TP53I11: variants seen among roughly 807,000 people sequenced by gnomAD.
TP53I11 encodes tumor protein p53-inducible protein 11.
A neutral mutation model predicts 23.3 loss-of-function variants in TP53I11; 9 were observed. The ratio of observed to expected loss-of-function variants is 0.39; its 90% CI spans 0.23 to 0.67. TP53I11 has a LOEUF of 0.67. Ranked by LOEUF, TP53I11 falls within the 30% of genes least tolerant of loss-of-function variation. The pLI, the probability that TP53I11 is intolerant of heterozygous loss-of-function variation, is 0.48. For missense variants in TP53I11, 170 were observed against 255.2 expected, an observed-to-expected ratio of 0.67 and a Z score of 2.27; for synonymous variants, 100 against 106.1, an observed-to-expected ratio of 0.94 and a Z score of 0.35.
chr11:44,944,318 G>C (rs536122260), intron 1 of TP53I11, among the ~76,000 whole-genome samples: 1 of 152,326 alleles, frequency 6.6e-6, no homozygotes, highest in South Asian at 2.1e-4. Flanking sequence ...CTTGTTCTCT[G>C]AGCCTGGGAC....
rs367915158 is a variant in TP53I11, at chr11:44,935,560, C to T, written c.436+1G>A. 1 of 1,614,024 alleles carries T rather than the reference C, an allele frequency of 6.2e-7. No homozygotes were observed. Among genetic ancestry groups the T allele is most frequent in the Middle Eastern group, 1.7e-4 (1 of 6,058 alleles). On this transcript the variant is annotated splice_donor_variant, in intron 6 of 6. Coordinates refer to ENST00000525680, the MANE Select transcript of TP53I11 (RefSeq NM_006034.5). LOFTEE classifies it high-confidence loss of function. ...CCCTCACTGCCCACCTCAGGACTCA[C>T]CCAAGAACTGGACCCCGAAATAGCA...
intron 1 of TP53I11, chr11:44,939,058 C>T (rs1453575707): frequency 6.6e-6 from 1 of 152,228 alleles, no homozygotes; most frequent in Non-Finnish European, 1.5e-5. Context: ...TGATCCTCCC[C>T]AGCCCCCCAC....
chr11:44,939,289 A>G (rs1328489195), intron 1 of TP53I11: 2 of 152,224 alleles, frequency 1.3e-5, no homozygotes, highest in African/African-American at 2.4e-5. Flanking sequence ...GCCCTGCAAG[A>G]TGGGCGCTAT....
At position 44,934,914 on chromosome 11, in the gene TP53I11, G is replaced by A. The variant is rs1463804412; in HGVS notation, c.540C>T (p.Tyr180=). 13 of 1,614,166 alleles carry A rather than the reference G, an allele frequency of 8.1e-6. No homozygotes were observed. Among genetic ancestry groups the A allele is most frequent in the Non-Finnish European group, 1.1e-5 (13 of 1,180,008 alleles). Residue 180 remains tyrosine (Y), a synonymous_variant, in exon 7 of 7, where the codon TAC becomes TAT. Transcript: ENST00000525680. The part of the protein sequence containing the change: ...LFVVISIYYY[Y]QVGRRPKKA Reference sequence around the variant, plus strand: ...CCTTCTTGGGTCTTCGGCCGACTTGGTAATAGTAGTAAATGCTGATGACGA... The same window carrying A: ...CCTTCTTGGGTCTTCGGCCGACTTGATAATAGTAGTAAATGCTGATGACGA...
intron 1 of TP53I11, among the ~76,000 whole-genome samples, chr11:44,942,422 CACACCAT>C (rs1250006541): frequency 8.2e-6 from 1 of 121,568 alleles, no homozygotes; most frequent in Non-Finnish European, 1.7e-5. Context: ...ACCACACACA[CACACCAT>C]ACACACACAC....
Position 44,936,941 on chromosome 11 carries a change from G to C in TP53I11, c.238-42C>G, listed in dbSNP as rs760533775. ...GGGCTCAGAGGTCCCGCTTGGGAGAGGGTGGGGGGTGACAGCTGATGCTTC... is the reference window on the plus strand; with the variant it reads ...GGGCTCAGAGGTCCCGCTTGGGAGACGGTGGGGGGTGACAGCTGATGCTTC... On this transcript the variant is annotated intron_variant, in intron 4 of 6. Coordinates refer to ENST00000525680, the MANE Select transcript of TP53I11 (RefSeq NM_006034.5). This position sits in a 1 kb window ranked among gnomAD's most constrained non-coding sequence, Gnocchi z 4.4. The C allele has an allele frequency of 5.0e-6, 7 of 1,412,814 alleles. No homozygotes were observed. Among genetic ancestry groups the C allele is most frequent in the South Asian group, 2.5e-5 (2 of 78,576 alleles). 87.5% of individuals were successfully genotyped at this position (1,412,814 alleles called of 1,614,324 possible).
intron 1 of TP53I11, among the ~76,000 whole-genome samples, chr11:44,949,150 T>A (rs1486458059): frequency 6.6e-6 from 1 of 152,186 alleles, no homozygotes; most frequent in Non-Finnish European, 1.5e-5. Flanking sequence ...AGAATAGTCT[T>A]ATTTCCTAAC....
In TP53I11 at chr11:44,933,338, AGAGCGGGC is replaced by A; in HGVS notation, c.*1538_*1545del. On this transcript the variant is annotated 3_prime_UTR_variant, in exon 7 of 7. Transcript: ENST00000525680. ...GGCAGGGGCCCACCTGGCAGCAGCC[AGAGCGGGC>A]TGTACCTATAGACACCCTCCAGCCA... The A allele has an allele frequency of 1.3e-5, 2 of 152,396 alleles. No homozygotes were observed. Among genetic ancestry groups the A allele is most frequent in the African/African-American group, 4.8e-5 (2 of 41,454 alleles). 9.4% of individuals were successfully genotyped at this position (152,396 alleles called of 1,614,324 possible).
At chr11:44,943,519 G>A (rs975361223) in intron 1 of TP53I11, among the ~76,000 whole-genome samples, 19 of 152,214 alleles carry the variant, frequency 1.2e-4, no homozygotes, top group African/African-American at 2.9e-4. Flanking sequence ...CCACATTCCC[G>A]ATCAGCCAGC....
chr11:44,935,143 G>T, intron 6 of TP53I11, 126 bp from the exon 7 acceptor site: 1 of 1,416,484 alleles, frequency 7.1e-7, no homozygotes, highest in Non-Finnish European at 9.6e-7. Flanking sequence ...GATCCTCCCA[G>T]GTGGGAAGCA....
At chr11:44,935,517 G>A (rs144737393) in intron 6 of TP53I11, 44 bp downstream of exon 6, 86 of 1,578,198 alleles carry the variant, frequency 5.4e-5, no homozygotes, top group Middle Eastern at 1.7e-4. Flanking sequence ...GGTCAGGGGC[G>A]AAGCGGCCCA....
intron 1 of TP53I11, among the ~76,000 whole-genome samples, chr11:44,949,196 A>C: frequency 6.6e-6 from 1 of 152,070 alleles, no homozygotes; most frequent in African/African-American, 2.4e-5. Flanking sequence ...TCCTTTCTCG[A>C]AGTCTGGGGC....
At chr11:44,946,699 G>A (rs554816104) in intron 1 of TP53I11, among the ~76,000 whole-genome samples, 3 of 152,316 alleles carry the variant, frequency 2.0e-5, no homozygotes, top group African/African-American at 4.8e-5. Flanking sequence ...CACTGGGCTC[G>A]GAGACAGGAC....
At chr11:44,940,318 T>C (rs532140375) in intron 1 of TP53I11, among the ~76,000 whole-genome samples, 1 of 152,354 alleles carries the variant, frequency 6.6e-6, no homozygotes, top group East Asian at 1.9e-4. Context: ...TATTTGAATG[T>C]TAGCACACGT....
chr11:44,939,812 C>T (rs1299709854), intron 1 of TP53I11, among the ~76,000 whole-genome samples: 1 of 152,222 alleles, frequency 6.6e-6, no homozygotes, highest in African/African-American at 2.4e-5. Context: ...CTCCTACGCC[C>T]CCTGGCTTTA....
intron 1 of TP53I11, chr11:44,950,235 C>T (rs1196772110): frequency 6.6e-6 from 1 of 152,144 alleles, no homozygotes; most frequent in Admixed American, 6.5e-5. Context: ...GACAGAGAAC[C>T]GAGCGCGGGG....
At chr11:44,950,418 G>A (rs1469832574) in intron 1 of TP53I11, among the ~76,000 whole-genome samples, 1 of 152,172 alleles carries the variant, frequency 6.6e-6, no homozygotes, top group Non-Finnish European at 1.5e-5. Flanking sequence ...GAGGGGCGGC[G>A]AGGGGAGAGC....
chr11:44,939,249 G>A (rs1286397975), intron 1 of TP53I11: 2 of 152,258 alleles, frequency 1.3e-5, no homozygotes, highest in South Asian at 2.1e-4. Flanking sequence ...GGCTGGCTCC[G>A]GGGTGGCCCT....
Position 44,936,022 on chromosome 11 carries a change from T to G in TP53I11, c.335-360A>C. The G allele has an allele frequency of 3.2e-6, 1 of 312,566 alleles. No individual in the cohort carries two copies. Among genetic ancestry groups the G allele is most frequent in the Non-Finnish European group, 5.8e-6 (1 of 172,156 alleles). The allele number at this position is 312,566 out of a possible 1,614,324, so 19.4% of individuals were successfully genotyped here. A position where few individuals can be genotyped will look rare whatever the true frequency, so the allele number is the denominator to read the frequency against. On this transcript the variant is annotated intron_variant, in intron 5 of 6. Transcript: ENST00000525680. The surrounding 1 kb of genome is among the most constrained non-coding windows in gnomAD (Gnocchi z 4.4). ...ATGCTGTGTTCATGGAGTTCATGAG[T>G]TAATGGGTTACCTGGTCCTATGATT...
Sources: allele counts gnomAD v4.1 joint callset (sites outside exome capture counted in the v4.1 genomes callset), GRCh38; gene constraint gnomAD v4.1.1; non-coding constraint Gnocchi (gnomAD v3.1); transcripts MANE v1.5; gene names NCBI Gene and HGNC (gene_info 2026-07-23, HGNC 2026-07-21).